DMWD: variants seen among roughly 807,000 people sequenced by gnomAD.
DMWD encodes dystrophia myotonica WD repeat-containing protein.
A neutral mutation model predicts 45.8 loss-of-function variants in DMWD; 19 were observed. The observed-to-expected ratio is 0.41, with a 90% confidence interval of 0.29 to 0.61. The LOEUF (loss-of-function observed/expected upper bound fraction) is 0.61. Among genes scored for constraint, DMWD ranks in the 20% least tolerant of loss-of-function variants. The probability of loss-of-function intolerance (pLI) is 0.25; values close to 1 mark genes in which losing one functional copy is unlikely to be tolerated. For missense variants in DMWD, 802 were observed against 965.2 expected, an observed-to-expected ratio of 0.83 and a Z score of 2.24; for synonymous variants, 515 against 440.5, an observed-to-expected ratio of 1.17 and a Z score of -2.12.
rs190299559 is a variant in DMWD at position 45,791,042 on chromosome 19, T to C, written c.487A>G (p.Thr163Ala). The C allele has an allele frequency of 1.9e-6, 3 of 1,613,040 alleles. No homozygotes were observed. The highest frequency in any genetic ancestry group is 2.5e-6 in the Non-Finnish European group (3 of 1,179,504). Residue 163 changes from threonine to alanine, a missense_variant, in exon 2 of 5, where the codon ACC becomes GCC. Around this residue, in one of 9 missense-constraint regions of DMWD, gnomAD observed 82 missense variants for 92.9 expected, o/e 0.88. Coordinates refer to ENST00000270223, the MANE Select transcript of DMWD (RefSeq NM_004943.2). ...KPIDKRIYKGTQPTCHDFNQF... is the reference protein window; with the variant it reads ...KPIDKRIYKGAQPTCHDFNQF... Reference sequence around the variant, plus strand: ...TTGAAATCGTGGCAGGTGGGCTGGGTGCCCTTGTAGATCCGCTTGTCAATT... The same window carrying C: ...TTGAAATCGTGGCAGGTGGGCTGGGCGCCCTTGTAGATCCGCTTGTCAATT...
rs1039919562 is a variant in DMWD, at chr19:45,784,929, C to T, written c.1903-214G>A. ...AAGCTGAGACACCCAAGACGAGCTC[C>T]GAACTTACAAGATGCCAGGCCTGAT... On this transcript the variant is annotated intron_variant, in intron 3 of 4. Coordinates refer to ENST00000270223, the MANE Select transcript of DMWD (RefSeq NM_004943.2). Among the ~76,000 whole-genome samples, 18 of 152,274 alleles carry T rather than the reference C, an allele frequency of 1.2e-4. 2 individuals carry two copies. The highest frequency in any genetic ancestry group is 9.8e-4 in the Admixed American group (15 of 15,280).
At chr19:45,791,255 G>A (rs924333618) in intron 1 of DMWD, among the ~76,000 whole-genome samples, 168 bp from the exon 2 acceptor site, 2 of 151,962 alleles carry the variant, frequency 1.3e-5, no homozygotes, top group African/African-American at 4.8e-5. Context: ...ACGGGAAGGG[G>A]ACCCAAATCA....
At position 45,786,261 on chromosome 19, in the gene DMWD, G is replaced by A. The variant is rs201189607; in HGVS notation, c.1235C>T (p.Ser412Leu). 2.1e-5 allele frequency: 33 copies of A among 1,606,588 alleles called. No homozygotes were observed. The highest frequency in any genetic ancestry group is 6.7e-5 in the Admixed American group (4 of 59,602). ...TGGAGAGAGCGGGGCGCCCCCGGCC[G>A]AGCCTGTGCCCGCAGCCTCGGGCTC... ...EEEPEAAGTGSAGGAPLSPLP... is the reference protein window; with the variant it reads ...EEEPEAAGTGLAGGAPLSPLP... The change falls in exon 3 of 5, where the codon TCG becomes TTG. Residue 412 changes from serine (S) to leucine (L), a missense_variant. Coordinates refer to ENST00000270223, the MANE Select transcript of DMWD (RefSeq NM_004943.2).
At chr19:45,792,206 CATT>C in intron 1 of DMWD, 107 bp downstream of exon 1, 1 of 1,424,388 alleles carries the variant, frequency 7.0e-7, no homozygotes, top group Non-Finnish European at 9.2e-7. Flanking sequence ...ACGTCCATCA[CATT>C]TAGAATGCCT....
intron 3 of DMWD, 29 bp downstream of exon 3, chr19:45,785,565 C>T: frequency 6.9e-7 from 1 of 1,448,488 alleles, no homozygotes; most frequent in South Asian, 1.5e-5. Context: ...CCTGCCAGGT[C>T]CCCGGCAGGC....
rs1190904080 is a variant in DMWD at position 45,786,688 on chromosome 19, T to C, written c.808A>G (p.Ser270Gly). The change falls in exon 3 of 5, where the codon AGC becomes GGC. Residue 270 changes from serine (S) to glycine (G), a missense_variant. Physicochemically the swap from Ser to Gly is moderately conservative, Grantham distance 56. Transcript: ENST00000270223. ...GEGFSVYAAK[S>G]KAPRNPLAKW... ...GCCAGCGGGTTGCGGGGTGCCTTGCTCTTGGCAGCATAGACAGAGAAGCCC... is the reference window on the plus strand; with the variant it reads ...GCCAGCGGGTTGCGGGGTGCCTTGCCCTTGGCAGCATAGACAGAGAAGCCC... The C allele has an allele frequency of 4.3e-6, 7 of 1,611,336 alleles. No individual in the cohort carries two copies. The Admixed American group carries it at 1.2e-4, about 27-fold the overall frequency.
rs761349705 is a variant in DMWD at position 45,785,567 on chromosome 19, C to T, written c.1902+27G>A. 9.0e-6 allele frequency: 13 copies of T among 1,450,458 alleles called. No individual in the cohort carries two copies. In the South Asian group the frequency reaches 1.9e-4, roughly 21 times the overall value. 89.8% of individuals were successfully genotyped at this position (1,450,458 alleles called of 1,614,324 possible). A position where few individuals can be genotyped will look rare whatever the true frequency, so the allele number is the denominator to read the frequency against. On this transcript the variant is annotated intron_variant, in intron 3 of 4. Transcript: ENST00000270223. ...TCCCACGAAAGGTCCTGCCAGGTCC[C>T]CGGCAGGCTGGTGTGGGGCCACTCA...
Position 45,792,764 on chromosome 19 carries a change from G to A in DMWD, c.-8C>T, listed in dbSNP as rs1349346836. 10 of 1,120,118 alleles carry A rather than the reference G, an allele frequency of 8.9e-6. No individual in the cohort carries two copies. The highest frequency in any genetic ancestry group is 8.7e-6 in the Non-Finnish European group (8 of 916,956). The allele number at this position is 1,120,118 out of a possible 1,614,324, so 69.4% of individuals were successfully genotyped here. A position where few individuals can be genotyped will look rare whatever the true frequency, so the allele number is the denominator to read the frequency against. Reference sequence around the variant, plus strand: ...CGCGCCGCCCGCCGCCATCTTGGGCGCCCCCCGGGCCCCGCCACTGCCGGA... The same window carrying A: ...CGCGCCGCCCGCCGCCATCTTGGGCACCCCCCGGGCCCCGCCACTGCCGGA... On this transcript the variant is annotated 5_prime_UTR_variant, in exon 1 of 5. Coordinates refer to ENST00000270223, the MANE Select transcript of DMWD (RefSeq NM_004943.2).
At chr19:45,790,820 T>A (rs1192852152) in intron 2 of DMWD, 85 bp downstream of exon 2, 1 of 1,483,942 alleles carries the variant, frequency 6.7e-7, no homozygotes, top group Admixed American at 2.1e-5. Flanking sequence ...AGGCCTACAC[T>A]GTTCCGCAGG....
At chr19:45,789,392 C>T (rs942248525) in intron 2 of DMWD, 5 of 152,254 alleles carry the variant, frequency 3.3e-5, no homozygotes, top group African/African-American at 1.2e-4. Context: ...CAAGAGCAGT[C>T]CCTGCCCGCG....
In DMWD at chr19:45,786,709, A is replaced by C; in HGVS notation, c.787T>G (p.Phe263Val). ...TTGCTCTTGGCAGCATAGACAGAGA[A>C]GCCCTCGCCCTGCTTCAGCAGGCTG... ...QYSLLKQGEG[F>V]SVYAAKSKAP... Residue 263 changes from phenylalanine to valine, a missense_variant, in exon 3 of 5, where the codon TTC becomes GTC. Around this residue, in one of 9 missense-constraint regions of DMWD, gnomAD observed 146 missense variants for 212.8 expected, o/e 0.69. Coordinates refer to ENST00000270223, the MANE Select transcript of DMWD (RefSeq NM_004943.2). 1 of 1,612,292 alleles carries C rather than the reference A, an allele frequency of 6.2e-7. No individual in the cohort carries two copies. Among genetic ancestry groups the C allele is most frequent in the Non-Finnish European group, 8.5e-7 (1 of 1,178,560 alleles).
intron 2 of DMWD, chr19:45,789,660 T>C (rs893875317): frequency 1.3e-5 from 2 of 152,254 alleles, no homozygotes; most frequent in African/African-American, 4.8e-5. Context: ...CCGACTTATT[T>C]ACTAGCCTCA....
chr19:45,790,356 T>TA (rs968100127), intron 2 of DMWD, among the ~76,000 whole-genome samples: 92 of 123,056 alleles, frequency 7.5e-4, no homozygotes, highest in African/African-American at 1.1e-3. Context: ...CAATTACAAT[T>TA]AAAAAAAAAA....
At chr19:45,790,159 A>C (rs531043020) in intron 2 of DMWD, 2 of 149,826 alleles carry the variant, frequency 1.3e-5, no homozygotes, top group South Asian at 4.3e-4. Context: ...TCAAAAAAAA[A>C]AATTAGCCAG....
intron 2 of DMWD, chr19:45,790,020 G>A (rs1970333830): frequency 6.6e-6 from 1 of 152,396 alleles, no homozygotes; most frequent in South Asian, 2.1e-4. Flanking sequence ...GCGTGGTGCT[G>A]GGCGCCTGTA....
intron 1 of DMWD, 119 bp downstream of exon 1, chr19:45,792,197 C>G: frequency 1.4e-6 from 2 of 1,399,598 alleles, no homozygotes; most frequent in Non-Finnish European, 9.4e-7. Context: ...CGCCCTACAA[C>G]GTCCATCACA....
Position 45,786,020 on chromosome 19 carries a change from G to A in DMWD, c.1476C>T (p.Arg492=). 1 of 1,554,602 alleles carries A rather than the reference G, an allele frequency of 6.4e-7. No homozygotes were observed. The highest frequency in any genetic ancestry group is 8.7e-7 in the Non-Finnish European group (1 of 1,151,076). Reference sequence around the variant, plus strand: ...CAGCTGGGTGCGGGAGACTGTTGGAGCGGGACAGCGAGCGAGGCAGGGGGC... The same window carrying A: ...CAGCTGGGTGCGGGAGACTGTTGGAACGGGACAGCGAGCGAGGCAGGGGGC... ...GPGPLPRSLS[R]SNSLPHPAGG... is the part of the protein sequence containing the mutation. The change falls in exon 3 of 5, where the codon CGC becomes CGT. Residue 492 remains arginine (R), a synonymous_variant. Transcript: ENST00000270223.
At position 45,784,111 on chromosome 19, in the gene DMWD, G is replaced by A. The variant is rs1463487562; in HGVS notation, c.*132C>T. On this transcript the variant is annotated 3_prime_UTR_variant, in exon 5 of 5. Coordinates refer to ENST00000270223, the MANE Select transcript of DMWD (RefSeq NM_004943.2). ...AGTCTGGGGGGCCCCCAAATTTTGTGCAGGTGGGGGGACTGGAGCAGTCCA... is the reference window on the plus strand; with the variant it reads ...AGTCTGGGGGGCCCCCAAATTTTGTACAGGTGGGGGGACTGGAGCAGTCCA... 3.7e-6 allele frequency: 3 copies of A among 808,720 alleles called. No homozygotes were observed. Among genetic ancestry groups the A allele is most frequent in the Admixed American group, 4.2e-5 (2 of 47,902 alleles). 50.1% of individuals were successfully genotyped at this position (808,720 alleles called of 1,614,324 possible). A position where few individuals can be genotyped will look rare whatever the true frequency, so the allele number is the denominator to read the frequency against.
In DMWD at chr19:45,783,280, G is replaced by C; in HGVS notation, c.*963C>G. On this transcript the variant is annotated 3_prime_UTR_variant, in exon 5 of 5. Transcript: ENST00000270223. ...CGGCTCCGAGAGCCAAGAGGAATCT[G>C]AGCTCTTCTTTCCAGGGTGGACGGT... 1 of 314,008 alleles carries C rather than the reference G, an allele frequency of 3.2e-6. No individual in the cohort carries two copies. The highest frequency in any genetic ancestry group is 2.1e-5 in the African/African-American group (1 of 46,944). The allele number at this position is 314,008 out of a possible 1,614,324, so 19.5% of individuals were successfully genotyped here.
Sources: gnomAD v4.1 joint callset for allele counts (sites outside exome capture counted in the v4.1 genomes callset) on GRCh38, gnomAD v4.1.1 for gene constraint, gnomAD v4.1.1 regional missense constraint, MANE v1.5 for transcripts, NCBI Gene and HGNC (gene_info 2026-07-23, HGNC 2026-07-21) for gene names.